LRRC49: variants seen among roughly 807,000 people sequenced by gnomAD.
LRRC49 encodes the protein leucine rich repeat containing 49.
A neutral mutation model predicts 83.3 loss-of-function variants in LRRC49; 50 were observed. The observed-to-expected ratio is 0.60, with a 90% CI of 0.48 to 0.76. The LOEUF (loss-of-function observed/expected upper bound fraction) is 0.76. LRRC49 is among the 30% of genes least tolerant of loss of function. LRRC49 has a pLI of 0.00. For missense variants in LRRC49, 704 were observed against 809.1 expected, an observed-to-expected ratio of 0.87 and a Z score of 1.58; for synonymous variants, 286 against 283.3, an observed-to-expected ratio of 1.01 and a Z score of -0.10.
intron 8 of LRRC49, among the ~76,000 whole-genome samples, chr15:70,959,839 A>G (rs1017776510): frequency 6.6e-6 from 1 of 152,234 alleles, no homozygotes; most frequent in African/African-American, 2.4e-5. Context: ...ACTGTTTTGT[A>G]TGGTTAAAAT....
chr15:70,873,033 C>G (rs553029156), exon 2 of LRRC49: 3 of 611,776 alleles, frequency 4.9e-6, no homozygotes, highest in East Asian at 2.9e-5. Context: ...TATAGGTGCC[C>G]GCCACCATGC....
intron 2 of LRRC49, among the ~76,000 whole-genome samples, chr15:70,880,170 T>G (rs957344580): frequency 6.6e-6 from 1 of 152,192 alleles, no homozygotes; most frequent in Non-Finnish European, 1.5e-5. Flanking sequence ...GATATCCAGG[T>G]CTCTGATCAT....
chr15:71,043,623 G>A (rs570221222), intron 15 of LRRC49, among the ~76,000 whole-genome samples: 1 of 152,310 alleles, frequency 6.6e-6, no homozygotes, highest in African/African-American at 2.4e-5. Context: ...GTAAGGAGAT[G>A]CAGAATAGTT....
intron 2 of LRRC49, chr15:70,882,399 ATG>A: frequency 7.5e-7 from 1 of 1,327,222 alleles, no homozygotes; most frequent in Non-Finnish European, 1.1e-6. Context: ...AGAGATAATT[ATG>A]TGAGTAAAGA....
intron 2 of LRRC49, among the ~76,000 whole-genome samples, chr15:70,886,679 A>G (rs1219099257): frequency 6.6e-6 from 1 of 152,192 alleles, no homozygotes; most frequent in Non-Finnish European, 1.5e-5. Context: ...CAGCCTGGCC[A>G]AGATGGTGAA....
chr15:70,854,592 A>C (rs961963611), intron 1 of LRRC49, among the ~76,000 whole-genome samples: 2 of 152,218 alleles, frequency 1.3e-5, no homozygotes, highest in Non-Finnish European at 2.9e-5. Flanking sequence ...TGCCAAGATC[A>C]GAAAATTTCC....
chr15:70,893,770 A>G, intron 2 of LRRC49, 130 bp downstream of exon 2: 1 of 703,556 alleles, frequency 1.4e-6, no homozygotes. Flanking sequence ...TTTCCAGTTT[A>G]AAGCTAGTTC....
intron 15 of LRRC49, 50 bp from the exon 16 acceptor site, chr15:71,049,359 C>G (rs748546334): frequency 1.6e-6 from 2 of 1,236,890 alleles, no homozygotes; most frequent in Non-Finnish European, 2.3e-6. Flanking sequence ...GTTGCTTTGA[C>G]TTTTGGATTA....
intron 2 of LRRC49, among the ~76,000 whole-genome samples, chr15:70,877,671 C>T (rs1166776647): frequency 6.6e-6 from 1 of 152,106 alleles, no homozygotes; most frequent in Non-Finnish European, 1.5e-5. Context: ...TGTGTTTTCT[C>T]TTGGTAAAGT....
At chr15:71,034,906 G>A (rs991213623) in intron 14 of LRRC49, among the ~76,000 whole-genome samples, 1 of 151,942 alleles carries the variant, frequency 6.6e-6, no homozygotes, top group African/African-American at 2.4e-5. Context: ...GGCAGGAGGA[G>A]GGAGAGCATC....
intron 2 of LRRC49, among the ~76,000 whole-genome samples, chr15:70,894,961 AT>A (rs1331705088): frequency 4.6e-5 from 7 of 152,178 alleles, no homozygotes; most frequent in African/African-American, 1.7e-4. Context: ...TTCCTAATTG[AT>A]TTCTCTGGAC....
chr15:70,967,215 A>G (rs920541502), intron 9 of LRRC49, among the ~76,000 whole-genome samples: 4 of 152,114 alleles, frequency 2.6e-5, no homozygotes, highest in Non-Finnish European at 4.4e-5. Context: ...GAAGGAGACA[A>G]CTATGTCTGA....
intron 8 of LRRC49, among the ~76,000 whole-genome samples, chr15:70,952,216 C>CTT (rs1042825538): frequency 4.4e-5 from 6 of 137,732 alleles, no homozygotes; most frequent in African/African-American, 5.3e-5. Flanking sequence ...TGGCATGAAG[C>CTT]TTTTTTTTTT....
chr15:70,956,591 G>GT (rs941578386), intron 8 of LRRC49, among the ~76,000 whole-genome samples: 18 of 136,690 alleles, frequency 1.3e-4, no homozygotes, highest in African/African-American at 2.8e-4. Flanking sequence ...ATTTCCAGGT[G>GT]TTTTTTTTTA....
chr15:70,964,569 AG>A (rs1419820919), intron 9 of LRRC49, among the ~76,000 whole-genome samples: 1 of 152,126 alleles, frequency 6.6e-6, no homozygotes, highest in East Asian at 1.9e-4. Flanking sequence ...TTCTACACTT[AG>A]ATGTTTTAAT....
At chr15:70,854,402 G>C (rs1211892624) in intron 1 of LRRC49, among the ~76,000 whole-genome samples, 1 of 152,122 alleles carries the variant, frequency 6.6e-6, no homozygotes, top group Admixed American at 6.5e-5. Context: ...TCTTTTCGCC[G>C]CTGTGGGGCC....
At chr15:70,894,418 A>C (rs2033736888) in intron 2 of LRRC49, among the ~76,000 whole-genome samples, 1 of 152,196 alleles carries the variant, frequency 6.6e-6, no homozygotes, top group Admixed American at 6.5e-5. Context: ...GTTAGACTTA[A>C]CGTTATTTAG....
chr15:71,022,237 G>T (rs567397152), intron 14 of LRRC49, among the ~76,000 whole-genome samples: 1 of 152,236 alleles, frequency 6.6e-6, no homozygotes, highest in Non-Finnish European at 1.5e-5. Flanking sequence ...GCTGGGTGTG[G>T]TGGAACGTGC....
At chr15:70,858,808 CA>C in intron 1 of LRRC49, 1 of 821,114 alleles carries the variant, frequency 1.2e-6, no homozygotes, top group Admixed American at 1.9e-5. Flanking sequence ...CCAGTGCCCG[CA>C]TCAGCACCTG....
Sources: gnomAD v4.1 joint callset for allele counts (sites outside exome capture counted in the v4.1 genomes callset) on GRCh38, gnomAD v4.1.1 for gene constraint, MANE v1.5 for transcripts, NCBI Gene and HGNC (gene_info 2026-07-23, HGNC 2026-07-21) for gene names.